The following SNX19 variants were observed in gnomAD, a reference collection of about 807,000 sequenced individuals.
SNX19 encodes sorting nexin-19.
SNX19 carries 60 observed loss-of-function variants against 85.2 expected under a neutral mutation model. The ratio of observed to expected loss-of-function variants is 0.70; its 90% CI spans 0.57 to 0.87. SNX19 has a LOEUF of 0.87. Ranked by LOEUF, SNX19 falls within the 40% of genes least tolerant of loss-of-function variation. The pLI is 0.00. For synonymous variants in SNX19, 520 were observed against 470.0 expected (o/e 1.11, Z -1.38); for missense variants, 1,201 against 1,217.8 (o/e 0.99, Z 0.21).
At chr11:130,910,241 G>C (rs758984901) in intron 3 of SNX19, 29 bp downstream of exon 3, 1 of 1,612,862 alleles carries the variant, frequency 6.2e-7, no homozygotes, top group South Asian at 1.1e-5. Flanking sequence ...GTTAAAGTGA[G>C]AACAAGGCCA....
intron 2 of SNX19, chr11:130,911,423 A>C: frequency 7.3e-7 from 1 of 1,370,964 alleles, no homozygotes; most frequent in African/African-American, 1.5e-5. Flanking sequence ...GGGGCTCCAG[A>C]ACAAAGCAGT....
At chr11:130,884,903 A>G (rs1247764187) in intron 8 of SNX19, among the ~76,000 whole-genome samples, 3 of 151,840 alleles carry the variant, frequency 2.0e-5, no homozygotes, top group Non-Finnish European at 2.9e-5. Flanking sequence ...ATTACTTATA[A>G]TAAATCATTT....
rs1565495576 is a variant in SNX19, at chr11:130,874,414, T to C, written c.*4008A>G. 6.6e-6 allele frequency among the ~76,000 whole-genome samples: 1 copy of C among 152,156 alleles called. No individual in the cohort carries two copies. Among genetic ancestry groups the C allele is most frequent in the Non-Finnish European group, 1.5e-5 (1 of 68,034 alleles). On this transcript the variant is annotated 3_prime_UTR_variant, in exon 11 of 11. Transcript: ENST00000265909. ...GATGCTCCTGTTCTTTTATGAATGT[T>C]ATCTCTGGGTGTGATGCCTGAAACT...
rs1946422553 is a variant in SNX19, at chr11:130,914,835, C to G, written c.1105G>C (p.Glu369Gln). 1.9e-6 allele frequency: 3 copies of G among 1,614,198 alleles called. No homozygotes were observed. Among genetic ancestry groups the G allele is most frequent in the Non-Finnish European group, 1.7e-6 (2 of 1,180,040 alleles). The change falls in exon 1 of 11, where the codon GAA (glutamate) becomes CAA (glutamine). Residue 369 changes from glutamate to glutamine, a missense_variant. This residue lies in a region of SNX19 where 791 missense variants were observed against 750.9 expected (regional missense o/e 1.05). Coordinates refer to ENST00000265909, the MANE Select transcript of SNX19 (RefSeq NM_014758.3). ...PNVRGPLFLC[E>Q]DSELESPLSE... ...AGCGGAGACTCCAGCTCTGAGTCTT[C>G]ACATAAGAACAGGGGACCTCGAACA...
intron 7 of SNX19, among the ~76,000 whole-genome samples, chr11:130,904,348 T>C (rs1945491764): frequency 6.6e-6 from 1 of 152,210 alleles, no homozygotes; most frequent in Non-Finnish European, 1.5e-5. Context: ...CTGGATCACC[T>C]TGCCCAAGCT....
intron 8 of SNX19, among the ~76,000 whole-genome samples, chr11:130,889,774 A>G (rs1392761375): frequency 6.6e-6 from 1 of 151,952 alleles, no homozygotes; most frequent in African/African-American, 2.4e-5. Context: ...ACTATTTTTG[A>G]GTTGTATTCT....
chr11:130,880,709 G>A lies in SNX19; in HGVS notation c.2671C>T (p.Pro891Ser). ...QESIWPGGVL[P>S]KFPRPVRTQE... ...GTCCTTACGGGCCGTGGAAACTTAG[G>A]CAAAACTCCACCAGGCCAGATGGAC... Residue 891 changes from proline (P) to serine (S), a missense_variant, in exon 9 of 11, where the codon CCT becomes TCT. Pro to Ser is a moderately conservative substitution (Grantham distance 74, BLOSUM62 -1). Coordinates refer to ENST00000265909, the MANE Select transcript of SNX19 (RefSeq NM_014758.3). The A allele has an allele frequency of 6.2e-7, 1 of 1,612,404 alleles. No individual in the cohort carries two copies. The highest frequency in any genetic ancestry group is 8.5e-7 in the Non-Finnish European group (1 of 1,178,706).
At chr11:130,909,555 T>C (rs1010223642) in intron 4 of SNX19, among the ~76,000 whole-genome samples, 4 of 152,224 alleles carry the variant, frequency 2.6e-5, no homozygotes, top group Admixed American at 1.3e-4. Context: ...TTGAAAAAGA[T>C]ACAATTCTCT....
chr11:130,869,453 G>A lies in SNX19; in HGVS notation c.*8969C>T, dbSNP rs947203643. 5.3e-5 allele frequency: 8 copies of A among 152,122 alleles called. No homozygotes were observed. Among genetic ancestry groups the A allele is most frequent in the African/African-American group, 1.9e-4 (8 of 41,422 alleles). The allele number at this position is 152,122 out of a possible 1,614,324, so 9.4% of individuals were successfully genotyped here. ...CTCATCAGTTTTCAGAAAGTTTTTC[G>A]AGGATAAACTTGTAGAGGGATTTGG... On this transcript the variant is annotated 3_prime_UTR_variant, in exon 11 of 11. Transcript: ENST00000265909.
chr11:130,901,472 T>C (rs1408755069), intron 8 of SNX19, among the ~76,000 whole-genome samples: 3 of 151,928 alleles, frequency 2.0e-5, no homozygotes, highest in Non-Finnish European at 4.4e-5. Context: ...GAGGAAAAGT[T>C]AGGAACACAT....
At chr11:130,911,380 T>TG in intron 2 of SNX19, 1 of 1,162,994 alleles carries the variant, frequency 8.6e-7, no homozygotes, top group Non-Finnish European at 1.1e-6. Context: ...CAGGTGGAAA[T>TG]GTGAACACTT....
intron 7 of SNX19, among the ~76,000 whole-genome samples, chr11:130,904,213 G>A (rs973317530): frequency 6.6e-6 from 1 of 152,208 alleles, no homozygotes; most frequent in Non-Finnish European, 1.5e-5. Flanking sequence ...CCAATGTCAC[G>A]TCTGATTTGC....
At chr11:130,878,830 C>G (rs530866540) in intron 10 of SNX19, among the ~76,000 whole-genome samples, 1 of 152,302 alleles carries the variant, frequency 6.6e-6, no homozygotes, top group South Asian at 2.1e-4. Context: ...CTCTGAAGAA[C>G]TGTGATAACA....
rs765245708 is a variant in SNX19 at position 130,878,561 on chromosome 11, C to T, written c.2847-7G>A. 3.7e-5 allele frequency: 60 copies of T among 1,611,062 alleles called. No homozygotes were observed. Among genetic ancestry groups the T allele is most frequent in the East Asian group, 4.5e-5 (2 of 44,858 alleles). On this transcript the variant is annotated splice_region_variant and splice_polypyrimidine_tract_variant and intron_variant, in intron 10 of 10. Transcript: ENST00000265909. Reference sequence around the variant, plus strand: ...AAGGCAGTAAATCAAATGCCTGAAACGAATGGACAAAAAACTTAGGGTCTG... The same window carrying T: ...AAGGCAGTAAATCAAATGCCTGAAATGAATGGACAAAAAACTTAGGGTCTG...
rs1287403102 is a variant in SNX19, at chr11:130,911,716, T to C, written c.1730A>G (p.His577Arg). The change falls in exon 2 of 11, where the codon CAC becomes CGC. Residue 577 changes from histidine to arginine, a missense_variant. By Grantham distance (29) the His-to-Arg change is conservative. Around this residue, in one of 3 missense-constraint regions of SNX19, gnomAD observed 791 missense variants for 750.9 expected, o/e 1.05. Coordinates refer to ENST00000265909, the MANE Select transcript of SNX19 (RefSeq NM_014758.3). ...CTCCCGATAGCGACGATTCACAGTG[T>C]GGTAGGCCAGCTGCTGCAGGCCGCT... ...NSSGLQQLAY[H>R]TVNRRYREFL... 7 of 1,614,198 alleles carry C rather than the reference T, an allele frequency of 4.3e-6. No individual in the cohort carries two copies. Among genetic ancestry groups the C allele is most frequent in the Non-Finnish European group, 4.2e-6 (5 of 1,180,034 alleles).
At position 130,915,307 on chromosome 11, in the gene SNX19, A is replaced by G; in HGVS notation, c.633T>C (p.Tyr211=). 6.2e-7 allele frequency: 1 copy of G among 1,614,240 alleles called. No individual in the cohort carries two copies. The highest frequency in any genetic ancestry group is 1.3e-5 in the African/African-American group (1 of 75,080). ...GCAACAAATTCACAACGCCACGCGT[A>G]TAGGTGACTTCAGCACTGGGGCTGT... ...AVHSPSAEVT[Y]TRGVVNLLLQ... is the part of the protein sequence containing the mutation. Residue 211 remains tyrosine (Y), a synonymous_variant, in exon 1 of 11, where the codon TAT becomes TAC. Transcript: ENST00000265909.
intron 8 of SNX19, 23 bp downstream of exon 8, chr11:130,903,232 G>A (rs1565536046): frequency 6.2e-7 from 1 of 1,612,930 alleles, no homozygotes; most frequent in Non-Finnish European, 8.5e-7. Context: ...ATTCTGATGT[G>A]AGGGAGAATT....
intron 1 of SNX19, among the ~76,000 whole-genome samples, chr11:130,912,264 C>T (rs73028894): frequency 2.6e-5 from 4 of 152,206 alleles, no homozygotes; most frequent in Admixed American, 6.5e-5. Context: ...TTTTGTTTCA[C>T]GCAGATTAAT....
intron 1 of SNX19, among the ~76,000 whole-genome samples, chr11:130,913,827 T>G (rs1463566063): frequency 6.6e-6 from 1 of 152,184 alleles, no homozygotes; most frequent in Non-Finnish European, 1.5e-5. Flanking sequence ...TTGGTTGGAT[T>G]AGAGAGGCAA....
Sources: gnomAD v4.1 joint callset for allele counts (sites outside exome capture counted in the v4.1 genomes callset) on GRCh38, gnomAD v4.1.1 for gene constraint, gnomAD v4.1.1 regional missense constraint, MANE v1.5 for transcripts, NCBI Gene and HGNC (gene_info 2026-07-23, HGNC 2026-07-21) for gene names.